CDH13: variants seen among roughly 807,000 people sequenced by gnomAD.
CDH13 encodes cadherin-13.
CDH13 carries 24 observed loss-of-function variants against 63.8 expected under a neutral mutation model. That is an observed-to-expected ratio of 0.38 (90% CI 0.27 to 0.53). The LOEUF (loss-of-function observed/expected upper bound fraction) is 0.53. CDH13 is among the 20% of genes least tolerant of loss of function. The pLI, the probability that CDH13 is intolerant of heterozygous loss-of-function variation, is 0.85. For synonymous variants in CDH13, 503 were observed against 355.3 expected (o/e 1.42, Z -4.67); for missense variants, 1,049 against 903.1 (o/e 1.16, Z -2.07).
At chr16:82,671,034 T>C (rs930175838) in intron 1 of CDH13, among the ~76,000 whole-genome samples, 3 of 152,218 alleles carry the variant, frequency 2.0e-5, no homozygotes, top group African/African-American at 4.8e-5. Context: ...GCACTTTTCA[T>C]ATATGATCTT....
chr16:83,585,341 G>A (rs760360703), intron 7 of CDH13, among the ~76,000 whole-genome samples: 3 of 152,186 alleles, frequency 2.0e-5, no homozygotes, highest in African/African-American at 4.8e-5. Flanking sequence ...CAGTGGGGAT[G>A]AGGAGGTTGG....
At chr16:83,238,435 A>G (rs529356844) in intron 5 of CDH13, among the ~76,000 whole-genome samples, 54 of 152,296 alleles carry the variant, frequency 3.5e-4, no homozygotes, top group South Asian at 3.5e-3. Flanking sequence ...CCATGATTCA[A>G]TTACCTCCCA....
At chr16:82,799,685 G>A (rs1390550763) in intron 1 of CDH13, among the ~76,000 whole-genome samples, 1 of 152,168 alleles carries the variant, frequency 6.6e-6, no homozygotes, top group Non-Finnish European at 1.5e-5. Flanking sequence ...TTCAGTGTGG[G>A]ATTTTGTGTT....
chr16:83,730,680 T>C, intron 10 of CDH13, among the ~76,000 whole-genome samples: 1 of 152,178 alleles, frequency 6.6e-6, no homozygotes, highest in East Asian at 1.9e-4. Context: ...TTTTTGAGCT[T>C]TTAGATTCAG....
intron 5 of CDH13, among the ~76,000 whole-genome samples, chr16:83,289,127 C>A (rs1315243570): frequency 6.6e-6 from 1 of 152,076 alleles, no homozygotes; most frequent in Non-Finnish European, 1.5e-5. Context: ...CCTACAAGAA[C>A]CAAAAAAGAC....
intron 1 of CDH13, among the ~76,000 whole-genome samples, chr16:82,731,223 T>A (rs1187383869): frequency 6.6e-6 from 1 of 152,176 alleles, no homozygotes; most frequent in African/African-American, 2.4e-5. Flanking sequence ...ATCCTAGGCT[T>A]TGTGGGCACC....
At chr16:83,023,873 A>T (rs988519025) in intron 2 of CDH13, among the ~76,000 whole-genome samples, 3 of 152,204 alleles carry the variant, frequency 2.0e-5, no homozygotes, top group Non-Finnish European at 2.9e-5. Flanking sequence ...AAAGAAGAAA[A>T]CGTAAAAGAA....
chr16:82,729,001 A>T (rs187502461), intron 1 of CDH13, among the ~76,000 whole-genome samples: 21 of 152,266 alleles, frequency 1.4e-4, no homozygotes, highest in Non-Finnish European at 2.4e-4. Flanking sequence ...GCAACTCCTC[A>T]TCTGTTCAAG....
chr16:82,647,584 C>T (rs1407224779), intron 1 of CDH13, among the ~76,000 whole-genome samples: 1 of 152,022 alleles, frequency 6.6e-6, no homozygotes, highest in Non-Finnish European at 1.5e-5. Flanking sequence ...CAAGCCATCC[C>T]ACCTGAGGGG....
intron 6 of CDH13, among the ~76,000 whole-genome samples, chr16:83,372,749 T>TCAAAAA (rs1555537364): frequency 8.4e-5 from 8 of 95,564 alleles, no homozygotes; most frequent in African/African-American, 2.1e-4. Context: ...AGACTCGGTC[T>TCAAAAA]AAAAAAAAAA....
intron 4 of CDH13, among the ~76,000 whole-genome samples, chr16:83,142,651 C>T (rs2036582108): frequency 6.6e-6 from 1 of 152,200 alleles, no homozygotes; most frequent in Non-Finnish European, 1.5e-5. Flanking sequence ...ATTGATTATG[C>T]AGCAAACCCC....
chr16:83,099,516 G>T (rs958535726), intron 3 of CDH13, among the ~76,000 whole-genome samples: 2 of 151,496 alleles, frequency 1.3e-5, no homozygotes, highest in Non-Finnish European at 1.5e-5. Context: ...TAGAGACAGG[G>T]TTTTGCCATG....
intron 6 of CDH13, among the ~76,000 whole-genome samples, chr16:83,473,698 T>C (rs890709586): frequency 6.6e-6 from 1 of 152,212 alleles, no homozygotes; most frequent in African/African-American, 2.4e-5. Context: ...AAAATTATCC[T>C]ACCTGCAAAA....
At chr16:83,057,864 C>T (rs147272367) in intron 3 of CDH13, among the ~76,000 whole-genome samples, 2 of 152,288 alleles carry the variant, frequency 1.3e-5, no homozygotes, top group African/African-American at 2.4e-5. Flanking sequence ...AAAATGCTGA[C>T]GCTTAAACCT....
intron 1 of CDH13, among the ~76,000 whole-genome samples, chr16:82,780,291 G>T (rs1057364295): frequency 3.3e-5 from 5 of 152,286 alleles, no homozygotes; most frequent in Admixed American, 2.0e-4. Context: ...GTAAGAACCT[G>T]GAATGCAAGG....
At chr16:83,457,549 CGTT>C (rs1242636018) in intron 6 of CDH13, among the ~76,000 whole-genome samples, 1 of 152,082 alleles carries the variant, frequency 6.6e-6, no homozygotes, top group Non-Finnish European at 1.5e-5. Flanking sequence ...CAGATGTTGT[CGTT>C]GTCATCATCA....
intron 8 of CDH13, among the ~76,000 whole-genome samples, chr16:83,605,907 G>A (rs1908285691): frequency 1.3e-5 from 2 of 152,192 alleles, no homozygotes; most frequent in Admixed American, 6.5e-5. Context: ...CAGGAGAGGT[G>A]GCAGAATCTG....
chr16:83,416,105 C>G (rs574256783), intron 6 of CDH13, among the ~76,000 whole-genome samples: 2 of 152,268 alleles, frequency 1.3e-5, no homozygotes, highest in East Asian at 3.9e-4. Flanking sequence ...TACACTAACA[C>G]TAACTGATCT....
At chr16:83,360,912 C>T (rs1358833728) in intron 6 of CDH13, among the ~76,000 whole-genome samples, 1 of 152,224 alleles carries the variant, frequency 6.6e-6, no homozygotes, top group African/African-American at 2.4e-5. Flanking sequence ...CTGCAACAAA[C>T]ATATGAGTGC....
Sources: gnomAD v4.1 joint callset for allele counts (sites outside exome capture counted in the v4.1 genomes callset) on GRCh38, gnomAD v4.1.1 for gene constraint, MANE v1.5 for transcripts, NCBI Gene and HGNC (gene_info 2026-07-23, HGNC 2026-07-21) for gene names.